THSD7A: variants seen among roughly 807,000 people sequenced by gnomAD.
The protein encoded by THSD7A is thrombospondin type 1 domain containing 7A.
Under a neutral mutation model 231.3 loss-of-function variants are expected in THSD7A, and 96 were observed. The ratio of observed to expected loss-of-function variants is 0.41; its 90% confidence interval spans 0.35 to 0.49. The LOEUF is 0.49. Ranked by LOEUF, THSD7A falls within the 20% of genes least tolerant of loss-of-function variation. THSD7A has a pLI of 0.05. For synonymous variants in THSD7A, 940 were observed against 743.3 expected, an observed-to-expected ratio of 1.26 and a Z score of -4.30; for missense variants, 2,290 against 2,070.2, an observed-to-expected ratio of 1.11 and a Z score of -2.06.
At chr7:11,535,244 A>G (rs1210443870) in intron 6 of THSD7A, among the ~76,000 whole-genome samples, 1 of 152,166 alleles carries the variant, frequency 6.6e-6, no homozygotes, top group African/African-American at 2.4e-5. Context: ...AAAAGAACAA[A>G]GAACATTGGT....
intron 13 of THSD7A, among the ~76,000 whole-genome samples, chr7:11,434,906 G>C (rs7796362): frequency 6.6e-6 from 1 of 151,742 alleles, no homozygotes; most frequent in Non-Finnish European, 1.5e-5. Flanking sequence ...TGTTCTACCC[G>C]TTGTATATTT....
chr7:11,532,377 G>A (rs1444177238), intron 6 of THSD7A, among the ~76,000 whole-genome samples: 1 of 152,162 alleles, frequency 6.6e-6, no homozygotes, highest in Non-Finnish European at 1.5e-5. Flanking sequence ...ATGTAGCAAT[G>A]AGATGCTGCT....
At chr7:11,657,640 C>T (rs1004594802) in intron 1 of THSD7A, among the ~76,000 whole-genome samples, 1 of 151,758 alleles carries the variant, frequency 6.6e-6, no homozygotes, top group African/African-American at 2.4e-5. Flanking sequence ...ATATTGTATC[C>T]TCTATTGTTC....
intron 1 of THSD7A, among the ~76,000 whole-genome samples, chr7:11,690,481 A>T (rs1780198879): frequency 6.6e-6 from 1 of 151,618 alleles, no homozygotes; most frequent in Non-Finnish European, 1.5e-5. Flanking sequence ...CTGGTATTTT[A>T]TCTCCTGTCT....
rs901256502 is a variant in THSD7A, at chr7:11,572,005, T to G, written c.1453+18455A>C. ...TTCTTCAAATATGTTTTCTGTCAGA[T>G]CATTCCCTTCTTTCTCTGGAATATC... On this transcript the variant is annotated intron_variant, in intron 4 of 27. Transcript: ENST00000423059. Among the ~76,000 whole-genome samples, 17 of 152,190 alleles carry G rather than the reference T, an allele frequency of 1.1e-4. 1 individual carries two copies.
intron 1 of THSD7A, among the ~76,000 whole-genome samples, chr7:11,712,568 T>C (rs752436349): frequency 6.0e-5 from 9 of 151,086 alleles, no homozygotes; most frequent in Non-Finnish European, 1.2e-4. Flanking sequence ...ATCAATAATA[T>C]CAGTAATAAG....
chr7:11,407,494 G>C (rs1783626394), intron 19 of THSD7A, 71 bp from the exon 20 acceptor site: 1 of 1,139,502 alleles, frequency 8.8e-7, no homozygotes, highest in Admixed American at 2.1e-5. Flanking sequence ...GAGGTGACAA[G>C]AAAGAAGAGA....
At chr7:11,496,881 T>G (rs1373526870) in intron 6 of THSD7A, among the ~76,000 whole-genome samples, 1 of 152,130 alleles carries the variant, frequency 6.6e-6, no homozygotes, top group Non-Finnish European at 1.5e-5. Context: ...ATAAAGACAC[T>G]GAGGCTAAAA....
At chr7:11,584,981 C>T (rs1791333296) in intron 4 of THSD7A, among the ~76,000 whole-genome samples, 1 of 152,064 alleles carries the variant, frequency 6.6e-6, no homozygotes, top group Non-Finnish European at 1.5e-5. Flanking sequence ...GAGATTGTAC[C>T]ATTTTATAAA....
At chr7:11,447,163 C>G in intron 12 of THSD7A, 67 bp downstream of exon 12, 1 of 1,439,720 alleles carries the variant, frequency 6.9e-7, no homozygotes, top group Non-Finnish European at 9.7e-7. Context: ...AGAATTCTCT[C>G]AGTCTGACTT....
At chr7:11,773,976 T>G (rs1485052351) in intron 1 of THSD7A, among the ~76,000 whole-genome samples, 1 of 152,082 alleles carries the variant, frequency 6.6e-6, no homozygotes, top group East Asian at 1.9e-4. Flanking sequence ...ATAACCCAAG[T>G]TTACCTAATA....
intron 1 of THSD7A, among the ~76,000 whole-genome samples, chr7:11,713,035 C>T (rs982472874): frequency 1.3e-5 from 2 of 151,144 alleles, no homozygotes; most frequent in South Asian, 4.1e-4. Flanking sequence ...CTTCATGTGA[C>T]CATGCATATG....
At chr7:11,757,371 G>T (rs1782717561) in intron 1 of THSD7A, among the ~76,000 whole-genome samples, 1 of 151,854 alleles carries the variant, frequency 6.6e-6, no homozygotes, top group Admixed American at 6.6e-5. Flanking sequence ...AACAACAAAT[G>T]TTAAGGCATT....
chr7:11,664,670 G>A (rs1485832658), intron 1 of THSD7A, among the ~76,000 whole-genome samples: 1 of 151,838 alleles, frequency 6.6e-6, no homozygotes, highest in Non-Finnish European at 1.5e-5. Flanking sequence ...ACTTTCCAAA[G>A]CACTTAAATA....
At chr7:11,483,841 T>C (rs1012530945) in intron 6 of THSD7A, among the ~76,000 whole-genome samples, 1 of 152,196 alleles carries the variant, frequency 6.6e-6, no homozygotes, top group African/African-American at 2.4e-5. Context: ...AGTTACCTAA[T>C]CTTTTCTATT....
intron 27 of THSD7A, 106 bp downstream of exon 27, chr7:11,376,464 C>A: frequency 3.5e-6 from 3 of 848,816 alleles, no homozygotes; most frequent in Non-Finnish European, 1.8e-6. Context: ...TTTAGAAATT[C>A]ATGTGAACAC....
At chr7:11,398,656 T>G (rs1783284256) in intron 23 of THSD7A, among the ~76,000 whole-genome samples, 1 of 152,248 alleles carries the variant, frequency 6.6e-6, no homozygotes, top group Non-Finnish European at 1.5e-5. Flanking sequence ...GGGCATTAGC[T>G]ACGGGGGTCT....
chr7:11,560,678 C>A (rs1413501025), intron 4 of THSD7A, among the ~76,000 whole-genome samples: 1 of 152,106 alleles, frequency 6.6e-6, no homozygotes, highest in Non-Finnish European at 1.5e-5. Context: ...TAAAAATAAT[C>A]TAACACATTA....
At chr7:11,470,723 A>G (rs1313682279) in intron 8 of THSD7A, among the ~76,000 whole-genome samples, 1 of 150,966 alleles carries the variant, frequency 6.6e-6, no homozygotes, top group Non-Finnish European at 1.5e-5. Flanking sequence ...GTGAAGATAA[A>G]TAAAGATAGT....
Sources: gnomAD v4.1 joint callset for allele counts (sites outside exome capture counted in the v4.1 genomes callset) on GRCh38, gnomAD v4.1.1 for gene constraint, MANE v1.5 for transcripts, NCBI Gene and HGNC (gene_info 2026-07-23, HGNC 2026-07-21) for gene names.